AP4E1: variants seen among roughly 807,000 people sequenced by gnomAD.
The protein encoded by AP4E1 is AP-4 complex subunit epsilon-1.
In AP4E1, 56 loss-of-function variants were observed where a neutral mutation model predicts 128.2. The observed-to-expected ratio is 0.44, with a 90% CI of 0.35 to 0.55. The LOEUF is 0.55. Among genes scored for constraint, AP4E1 ranks in the 20% least tolerant of loss-of-function variants. The pLI, the probability that AP4E1 is intolerant of heterozygous loss-of-function variation, is 0.00. For synonymous variants in AP4E1, 484 were observed against 473.1 expected (o/e 1.02, Z -0.30); for missense variants, 1,324 against 1,307.7 (o/e 1.01, Z -0.19).
chr15:50,926,177 G>T (rs1262830877), intron 5 of AP4E1, among the ~76,000 whole-genome samples: 1 of 151,868 alleles, frequency 6.6e-6, no homozygotes, highest in Non-Finnish European at 1.5e-5. Flanking sequence ...TCACTCTGTT[G>T]CCTAGGCTGG....
At chr15:50,965,877 C>G (rs927638178) in intron 14 of AP4E1, among the ~76,000 whole-genome samples, 6 of 152,120 alleles carry the variant, frequency 3.9e-5, no homozygotes, top group Non-Finnish European at 7.3e-5. Flanking sequence ...TACTCACTCT[C>G]TTTATTTCAT....
At chr15:50,997,112 G>A (rs2064886730) in intron 17 of AP4E1, among the ~76,000 whole-genome samples, 1 of 152,106 alleles carries the variant, frequency 6.6e-6, no homozygotes, top group African/African-American at 2.4e-5. Flanking sequence ...TGTTTTTTAT[G>A]AGAAATAAGA....
At chr15:50,975,449 A>T (rs2064538623) in intron 15 of AP4E1, among the ~76,000 whole-genome samples, 1 of 152,134 alleles carries the variant, frequency 6.6e-6, no homozygotes, top group South Asian at 2.1e-4. Flanking sequence ...TTAAGTCCTT[A>T]GTTCATTTTG....
chr15:50,923,532 T>C (rs2063732354), intron 3 of AP4E1, among the ~76,000 whole-genome samples: 1 of 151,632 alleles, frequency 6.6e-6, no homozygotes, highest in African/African-American at 2.4e-5. Context: ...ACTGTAGTGA[T>C]TAGGGTTTTT....
intron 13 of AP4E1, among the ~76,000 whole-genome samples, chr15:50,950,445 T>C (rs562494046): frequency 1.1e-4 from 16 of 152,206 alleles, no homozygotes; most frequent in Non-Finnish European, 2.2e-4. Flanking sequence ...AATATTTGAA[T>C]ACTCATTTAT....
chr15:50,943,044 C>T (rs2064008979), intron 10 of AP4E1, among the ~76,000 whole-genome samples: 1 of 152,058 alleles, frequency 6.6e-6, no homozygotes, highest in Non-Finnish European at 1.5e-5. Context: ...CCTTTCCCCT[C>T]CTGCCCTCCC....
Position 50,951,946 on chromosome 15 carries a change from C to T in AP4E1, c.1548+1777C>T, listed in dbSNP as rs990477289. On this transcript the variant is annotated intron_variant, in intron 13 of 20. Transcript: ENST00000261842. ...TTTGCCATGTTGGCCAGGCTGGTCT[C>T]GAACTCTCGACCTCAGGTCATCCAC... Among the ~76,000 whole-genome samples, 7 of 152,056 alleles carry T rather than the reference C, an allele frequency of 4.6e-5. No homozygotes were observed. The South Asian group carries it at 6.2e-4, about 14-fold the overall frequency.
At position 50,973,878 on chromosome 15, in the gene AP4E1, G is replaced by A. The variant is rs888426309; in HGVS notation, c.1966+5501G>A. On this transcript the variant is annotated intron_variant, in intron 15 of 20. Transcript: ENST00000261842. ...TATGAATAGTGCTGCAGTGAACATG[G>A]GAATGCTAATATCTCTTTTGGATCC... 2.0e-5 allele frequency among the ~76,000 whole-genome samples: 3 copies of A among 152,150 alleles called. No homozygotes were observed. In the East Asian group the frequency reaches 5.8e-4, roughly 29 times the overall value.
chr15:50,966,468 A>C (rs1286255580), intron 14 of AP4E1, among the ~76,000 whole-genome samples: 3 of 151,508 alleles, frequency 2.0e-5, no homozygotes, highest in African/African-American at 7.3e-5. Flanking sequence ...GAGTAACTAC[A>C]CTTCCGTTTT....
intron 15 of AP4E1, among the ~76,000 whole-genome samples, chr15:50,970,460 A>G (rs1005031321): frequency 1.3e-5 from 2 of 152,218 alleles, no homozygotes; most frequent in Admixed American, 6.5e-5. Flanking sequence ...CTGAAAGTGC[A>G]GTTTTTTGAA....
At chr15:50,950,215 A>G (rs1487150292) in intron 13 of AP4E1, 46 bp downstream of exon 13, 1 of 1,287,758 alleles carries the variant, frequency 7.8e-7, no homozygotes, top group South Asian at 1.2e-5. Context: ...CATTTTTAAT[A>G]CAAACCAAAT....
At chr15:50,920,948 G>T (rs1030303672) in intron 3 of AP4E1, among the ~76,000 whole-genome samples, 1 of 151,932 alleles carries the variant, frequency 6.6e-6, no homozygotes, top group Non-Finnish European at 1.5e-5. Flanking sequence ...ACAGGTGCCC[G>T]CCTGCCATCA....
chr15:50,987,946 G>A (rs1263162880), intron 16 of AP4E1, among the ~76,000 whole-genome samples: 2 of 152,008 alleles, frequency 1.3e-5, no homozygotes, highest in East Asian at 1.9e-4. Flanking sequence ...GTAATAATAT[G>A]TGTTATTGCT....
intron 17 of AP4E1, among the ~76,000 whole-genome samples, chr15:50,996,528 G>C (rs2064877379): frequency 6.6e-6 from 1 of 152,134 alleles, no homozygotes; most frequent in African/African-American, 2.4e-5. Context: ...GAGAAGATAA[G>C]AAAAGGGAAC....
Position 50,925,362 on chromosome 15 carries a change from C to T in AP4E1, c.542+143C>T, listed in dbSNP as rs576945400. ...ATAATACAAAAATCTTCAATAGGAT[C>T]ATCTTTATTTTTATGTGGGTTTAGG... On this transcript the variant is annotated intron_variant, in intron 5 of 20. Transcript: ENST00000261842. The T allele has an allele frequency of 4.5e-6, 4 of 894,592 alleles. No individual in the cohort carries two copies. In the African/African-American group the frequency reaches 5.1e-5, roughly 11 times the overall value. The allele number at this position is 894,592 out of a possible 1,614,324, so 55.4% of individuals were successfully genotyped here. A position where few individuals can be genotyped will look rare whatever the true frequency, so the allele number is the denominator to read the frequency against.
rs760021635 is a variant in AP4E1 at position 50,958,492 on chromosome 15, G to A, written c.1549G>A (p.Val517Ile). The A allele has an allele frequency of 1.9e-6, 3 of 1,607,798 alleles. No individual in the cohort carries two copies. Among genetic ancestry groups the A allele is most frequent in the African/African-American group, 1.3e-5 (1 of 74,694 alleles). Residue 517 changes from valine (V) to isoleucine (I), a missense_variant and splice_region_variant, in exon 14 of 21, where the codon GTA becomes ATA. Transcript: ENST00000261842. The stretch of plus-strand genomic sequence containing the variant: ...GAATATCTCTTTGTTTTATTTACAG[G>A]TATTAGGGGAATATTCCTACCTCTT... Reference protein sequence around the residue: ...PQRFLQVMSWVLGEYSYLLDK... With the variant: ...PQRFLQVMSWILGEYSYLLDK...
upstream of AP4E1, chr15:50,908,507 G>T: frequency 5.2e-6 from 2 of 381,072 alleles, no homozygotes; most frequent in Non-Finnish European, 9.2e-6. Flanking sequence ...GGTTCTGGGG[G>T]ATTCCGGAAC....
At chr15:50,984,392 T>G (rs1248525765) in intron 16 of AP4E1, among the ~76,000 whole-genome samples, 1 of 152,094 alleles carries the variant, frequency 6.6e-6, no homozygotes, top group Admixed American at 6.5e-5. Context: ...TGTGCCATGT[T>G]GGTGTGCTGC....
chr15:50,961,994 C>G (rs913481209), intron 14 of AP4E1, among the ~76,000 whole-genome samples: 1 of 149,682 alleles, frequency 6.7e-6, no homozygotes, highest in Non-Finnish European at 1.5e-5. Context: ...ATGCCATTTA[C>G]AACAGCTACA....
Sources: gnomAD v4.1 joint callset for allele counts (sites outside exome capture counted in the v4.1 genomes callset) on GRCh38, gnomAD v4.1.1 for gene constraint, MANE v1.5 for transcripts, NCBI Gene and HGNC (gene_info 2026-07-23, HGNC 2026-07-21) for gene names.